The following CNTN6 variants were observed in gnomAD, a reference collection of about 807,000 sequenced individuals.
CNTN6 encodes contactin 6.
A neutral mutation model predicts 122.8 loss-of-function variants in CNTN6; 137 were observed. The ratio of observed to expected loss-of-function variants is 1.12; its 90% CI spans 0.97 to 1.29. The LOEUF (loss-of-function observed/expected upper bound fraction) is 1.29. Ranked by LOEUF, CNTN6 falls within the 50% of genes most tolerant of loss-of-function variation. CNTN6 has a pLI of 0.00. For missense variants in CNTN6, 1,634 were observed against 1,223.4 expected, an observed-to-expected ratio of 1.34 and a Z score of -5.01; for synonymous variants, 570 against 426.0, an observed-to-expected ratio of 1.34 and a Z score of -4.16.
At chr3:1,368,399 C>T (rs1575896495) in intron 12 of CNTN6, among the ~76,000 whole-genome samples, 1 of 152,170 alleles carries the variant, frequency 6.6e-6, no homozygotes, top group African/African-American at 2.4e-5. Flanking sequence ...AGAGAATCAT[C>T]AGCTCTAGAT....
chr3:1,374,141 T>A, intron 16 of CNTN6, 68 bp downstream of exon 16: 3 of 1,462,540 alleles, frequency 2.1e-6, no homozygotes, highest in Non-Finnish European at 2.8e-6. Context: ...ACAAAACAAG[T>A]ATTTTTATGT....
intron 5 of CNTN6, among the ~76,000 whole-genome samples, chr3:1,280,201 T>C (rs897826841): frequency 4.6e-5 from 7 of 152,120 alleles, no homozygotes; most frequent in Admixed American, 2.0e-4. Flanking sequence ...TATTTGTAAA[T>C]GAATCAGTTC....
chr3:1,112,312 C>T lies in CNTN6; in HGVS notation c.-83+19192C>T, dbSNP rs148949968. 1.0e-2 allele frequency among the ~76,000 whole-genome samples: 1,520 copies of T among 152,212 alleles called. 13 individuals carry two copies. The highest frequency in any genetic ancestry group is 0.016 in the Non-Finnish European group (1,121 of 67,988). On this transcript the variant is annotated intron_variant, in intron 1 of 22. Transcript: ENST00000446702. ...CAGAAGTTTATTAGAAAAATTGAGA[C>T]TCTCGATTATGCAGACTGAAAAGTC...
At chr3:1,386,780 G>A (rs1019542881) in intron 20 of CNTN6, among the ~76,000 whole-genome samples, 9 of 152,118 alleles carry the variant, frequency 5.9e-5, no homozygotes, top group South Asian at 2.1e-4. Flanking sequence ...CAAATTCAGT[G>A]CCACTTACAA....
At chr3:1,321,384 A>G (rs969148250) in intron 7 of CNTN6, among the ~76,000 whole-genome samples, 1 of 149,578 alleles carries the variant, frequency 6.7e-6, no homozygotes, top group Non-Finnish European at 1.5e-5. Flanking sequence ...TGTAAGCAAC[A>G]TAAGGGCAGA....
At chr3:1,202,550 AT>A (rs2093898350) in intron 2 of CNTN6, among the ~76,000 whole-genome samples, 1 of 14,372 alleles carries the variant, frequency 7.0e-5, no homozygotes, top group Non-Finnish European at 1.0e-4. Context: ...CAAAAAATAA[AT>A]AAATAAATAA....
Position 1,403,509 on chromosome 3 carries a change from T to C in CNTN6, c.*91T>C. The C allele has an allele frequency of 1.5e-6, 1 of 659,024 alleles. No homozygotes were observed. Among genetic ancestry groups the C allele is most frequent in the Non-Finnish European group, 2.5e-6 (1 of 392,252 alleles). The allele number at this position is 659,024 out of a possible 1,614,324, so 40.8% of individuals were successfully genotyped here. ...CCTCTGACACAAGATGCGTTCTTAA[T>C]ACAGACTTGTTTGCAAAGAAAAAAA... On this transcript the variant is annotated 3_prime_UTR_variant, in exon 23 of 23. Transcript: ENST00000446702.
intron 7 of CNTN6, among the ~76,000 whole-genome samples, chr3:1,321,098 G>C (rs1008286378): frequency 6.0e-5 from 9 of 151,120 alleles, no homozygotes; most frequent in Non-Finnish European, 3.0e-5. Context: ...TGTTTTCCCT[G>C]GATAATTTAC....
intron 5 of CNTN6, among the ~76,000 whole-genome samples, chr3:1,281,464 CTTT>C (rs4065407): frequency 0.51 from 69,881 of 136,626 alleles, 17,727 homozygotes; most frequent in Non-Finnish European, 0.58. Flanking sequence ...TAAAAGTTGA[CTTT>C]TTTTTTTTTT....
At chr3:1,321,620 CTTCTA>C (rs72382613) in intron 7 of CNTN6, 25 bp from the exon 8 acceptor site, 33,445 of 1,554,348 alleles carry the variant, frequency 0.022, 456 homozygotes, top group Non-Finnish European at 0.025. Context: ...ATTAAACCGT[CTTCTA>C]TTCTAATGAG....
intron 2 of CNTN6, among the ~76,000 whole-genome samples, chr3:1,203,574 A>G (rs1253592699): frequency 6.6e-6 from 1 of 152,222 alleles, no homozygotes; most frequent in African/African-American, 2.4e-5. Flanking sequence ...GAAGAAGAGC[A>G]CTTGGGAGAC....
intron 4 of CNTN6, among the ~76,000 whole-genome samples, chr3:1,251,396 G>C (rs1002951416): frequency 1.3e-5 from 2 of 152,096 alleles, no homozygotes; most frequent in Admixed American, 1.3e-4. Flanking sequence ...AACTACTCCT[G>C]TCCTTCTCCT....
At chr3:1,191,503 C>T (rs189025508) in intron 2 of CNTN6, among the ~76,000 whole-genome samples, 12 of 152,320 alleles carry the variant, frequency 7.9e-5, no homozygotes, top group Non-Finnish European at 1.5e-4. Context: ...TCCACAGGGA[C>T]AGAATCTCCT....
intron 20 of CNTN6, among the ~76,000 whole-genome samples, chr3:1,389,423 G>T (rs952505978): frequency 1.3e-5 from 2 of 151,882 alleles, no homozygotes; most frequent in African/African-American, 4.8e-5. Context: ...CACTAAACAT[G>T]GAAAGGAACA....
At chr3:1,168,856 A>G (rs2093309339) in intron 2 of CNTN6, among the ~76,000 whole-genome samples, 3 of 152,222 alleles carry the variant, frequency 2.0e-5, no homozygotes, top group Admixed American at 1.3e-4. Context: ...AACAACAGTG[A>G]TGCTAATATA....
intron 2 of CNTN6, among the ~76,000 whole-genome samples, chr3:1,193,049 TG>T (rs1203950632): frequency 6.6e-6 from 1 of 152,212 alleles, no homozygotes; most frequent in African/African-American, 2.4e-5. Flanking sequence ...TACATTAGTA[TG>T]TTACATGTAC....
intron 2 of CNTN6, among the ~76,000 whole-genome samples, chr3:1,156,043 C>A (rs1197642601): frequency 6.6e-6 from 1 of 152,198 alleles, no homozygotes; most frequent in African/African-American, 2.4e-5. Flanking sequence ...CCAATTAATT[C>A]AATTCTACCT....
At chr3:1,293,020 T>A (rs907493072) in intron 5 of CNTN6, among the ~76,000 whole-genome samples, 3 of 152,210 alleles carry the variant, frequency 2.0e-5, no homozygotes, top group Admixed American at 2.0e-4. Flanking sequence ...TTTTTGCATT[T>A]TCTCACTTCA....
At chr3:1,361,853 G>A (rs1707512865) in intron 12 of CNTN6, among the ~76,000 whole-genome samples, 1 of 152,128 alleles carries the variant, frequency 6.6e-6, no homozygotes, top group African/African-American at 2.4e-5. Flanking sequence ...GCACAGAGAG[G>A]TTAGCCCCAC....
Sources: allele counts gnomAD v4.1 joint callset (sites outside exome capture counted in the v4.1 genomes callset), GRCh38; gene constraint gnomAD v4.1.1; transcripts MANE v1.5; gene names NCBI Gene and HGNC (gene_info 2026-07-23, HGNC 2026-07-21).